Variants in HECW1 observed in about 807,000 individuals in gnomAD.
HECW1 encodes HECT, C2 and WW domain containing E3 ubiquitin protein ligase 1, also known as E3 ubiquitin-protein ligase HECW1.
HECW1 carries 61 observed loss-of-function variants against 182.3 expected under a neutral mutation model. That is an observed-to-expected ratio of 0.33 (90% confidence interval 0.27 to 0.41). The LOEUF is 0.41. Among genes scored for constraint, HECW1 ranks in the 10% least tolerant of loss-of-function variants. HECW1 has a pLI of 1.00. For synonymous variants in HECW1, 859 were observed against 832.6 expected (o/e 1.03, Z -0.55); for missense variants, 1,739 against 2,108.9 (o/e 0.82, Z 3.44).
At chr7:43,454,070 G>A (rs1248184621) in intron 12 of HECW1, among the ~76,000 whole-genome samples, 10 of 152,150 alleles carry the variant, frequency 6.6e-5, no homozygotes. Context: ...TTTTCCATGA[G>A]GAATTGAAAC....
chr7:43,166,962 G>T (rs1000164205), intron 2 of HECW1, among the ~76,000 whole-genome samples: 2 of 152,234 alleles, frequency 1.3e-5, no homozygotes, highest in African/African-American at 4.8e-5. Flanking sequence ...CTCTCAGGCT[G>T]TAGGCAGCCA....
chr7:43,463,841 G>A (rs763724557), intron 14 of HECW1, 42 bp downstream of exon 14: 1 of 1,605,336 alleles, frequency 6.2e-7, no homozygotes, highest in Non-Finnish European at 8.5e-7. Context: ...TGGCTTTCAG[G>A]GGCTGTGTGA....
At chr7:43,148,691 CT>C (rs1239773286) in intron 2 of HECW1, 2 of 151,954 alleles carry the variant, frequency 1.3e-5, no homozygotes, top group Non-Finnish European at 2.9e-5. Flanking sequence ...AGTCAGGAGA[CT>C]GAGGTGTGGT....
At chr7:43,182,846 T>C (rs186268377) in intron 2 of HECW1, among the ~76,000 whole-genome samples, 14 of 152,314 alleles carry the variant, frequency 9.2e-5, no homozygotes, top group South Asian at 6.2e-4. Flanking sequence ...TGTGTCCTCT[T>C]CAATTTCTTT....
chr7:43,482,087 G>A (rs556719071), intron 17 of HECW1, among the ~76,000 whole-genome samples: 15 of 151,592 alleles, frequency 9.9e-5, no homozygotes, highest in Non-Finnish European at 1.2e-4. Context: ...CTGACTGTTC[G>A]TCACATTTCC....
intron 27 of HECW1, among the ~76,000 whole-genome samples, chr7:43,551,741 G>A (rs546067807): frequency 6.6e-6 from 1 of 152,274 alleles, no homozygotes; most frequent in Admixed American, 6.5e-5. Context: ...CGTTCAAGCT[G>A]CTATAACAAA....
Position 43,550,551 on chromosome 7 carries a change from T to C in HECW1, c.4355T>C (p.Val1452Ala). ...RMVKWRVERG[V>A]VQQTEALVRG... is the part of the protein sequence containing the mutation. ...GTGAAGTGGCGGGTGGAGCGCGGCG[T>C]GGTACAGCAGACCGAGGCGCTGGTG... The change falls in exon 27 of 30, where the codon GTG (valine) becomes GCG (alanine). Residue 1452 changes from valine (V) to alanine (A), a missense_variant. Transcript: ENST00000395891. 6.2e-7 allele frequency: 1 copy of C among 1,610,678 alleles called. No individual in the cohort carries two copies. Among genetic ancestry groups the C allele is most frequent in the Non-Finnish European group, 8.5e-7 (1 of 1,178,624 alleles).
chr7:43,150,981 G>A (rs1467777781), intron 2 of HECW1: 2 of 154,964 alleles, frequency 1.3e-5, no homozygotes, highest in East Asian at 1.9e-4. Flanking sequence ...GCCACGGCTG[G>A]CTCCTACCTG....
chr7:43,466,156 GGAAGGAAGGAAA>G (rs1030922243), intron 14 of HECW1, among the ~76,000 whole-genome samples: 2 of 146,212 alleles, frequency 1.4e-5, no homozygotes, highest in Non-Finnish European at 3.0e-5. Context: ...AGAGAAAGAA[GGAAGGAAGGAAA>G]GAAGGAAGGA....
rs1304496410 is a variant in HECW1, at chr7:43,541,179, C to T, written c.4036C>T (p.Arg1346Cys). Residue 1346 changes from arginine to cysteine, a missense_variant, in exon 25 of 30, where the codon CGC becomes TGC. This residue lies in a region of HECW1 where 420 missense variants were observed against 595.7 expected (regional missense o/e 0.71). Transcript: ENST00000395891. ...NHLEWFRFSGRILGLALIHQY... is the reference protein window; with the variant it reads ...NHLEWFRFSGCILGLALIHQY... ...GTGTTCCAGGTTCAGGTTTAGCGGTCGCATCCTGGGTCTGGCTCTGATCCA... is the reference window on the plus strand; with the variant it reads ...GTGTTCCAGGTTCAGGTTTAGCGGTTGCATCCTGGGTCTGGCTCTGATCCA... 1.2e-6 allele frequency: 2 copies of T among 1,614,016 alleles called. No homozygotes were observed. Among genetic ancestry groups the T allele is most frequent in the Non-Finnish European group, 1.7e-6 (2 of 1,179,846 alleles).
chr7:43,488,244 A>G (rs2078726230), intron 17 of HECW1, among the ~76,000 whole-genome samples: 1 of 151,340 alleles, frequency 6.6e-6, no homozygotes, highest in Non-Finnish European at 1.5e-5. Flanking sequence ...CGGGAGGCAG[A>G]GGTTGCAGTG....
rs145159835 is a variant in HECW1, at chr7:43,334,544, T to C, written c.460+13802T>C. 2.5e-3 allele frequency among the ~76,000 whole-genome samples: 377 copies of C among 152,334 alleles called. 1 individual carries two copies. The highest frequency in any genetic ancestry group is 8.3e-3 in the African/African-American group (346 of 41,572). On this transcript the variant is annotated intron_variant, in intron 5 of 29. Coordinates refer to ENST00000395891, the MANE Select transcript of HECW1 (RefSeq NM_015052.5). The stretch of plus-strand genomic sequence containing the variant: ...GCAGCAGCTACTAATCTAAGCCTTG[T>C]TCCTTCTCTCTAAGCAAAACCAGAG...
At chr7:43,441,425 T>C (rs1242976876) in intron 9 of HECW1, among the ~76,000 whole-genome samples, 3 of 152,212 alleles carry the variant, frequency 2.0e-5, no homozygotes, top group Non-Finnish European at 4.4e-5. Flanking sequence ...GACAGCATCC[T>C]TTCTTAGACA....
chr7:43,476,836 A>G (rs2152904941), intron 16 of HECW1, among the ~76,000 whole-genome samples: 1 of 152,294 alleles, frequency 6.6e-6, no homozygotes, highest in Non-Finnish European at 1.5e-5. Context: ...AAAGCTAGAA[A>G]AATATAGTTA....
intron 19 of HECW1, 82 bp from the exon 20 acceptor site, chr7:43,500,617 G>T: frequency 9.0e-7 from 1 of 1,108,822 alleles, no homozygotes; most frequent in Non-Finnish European, 1.4e-6. Flanking sequence ...TATTGGAAGA[G>T]GAAATAAGAG....
At chr7:43,301,816 A>G (rs1806834629) in intron 3 of HECW1, among the ~76,000 whole-genome samples, 1 of 151,704 alleles carries the variant, frequency 6.6e-6, no homozygotes, top group African/African-American at 2.4e-5. Context: ...CAGAGGTTAC[A>G]GTGAGCTGGG....
chr7:43,534,593 C>T (rs892527240), intron 24 of HECW1, among the ~76,000 whole-genome samples: 2 of 152,188 alleles, frequency 1.3e-5, no homozygotes, highest in African/African-American at 4.8e-5. Flanking sequence ...GAAATTTGAG[C>T]AATTAACCTA....
chr7:43,456,670 TCTAAA>T (rs1481384892), intron 13 of HECW1, among the ~76,000 whole-genome samples: 1 of 152,210 alleles, frequency 6.6e-6, no homozygotes, highest in African/African-American at 2.4e-5. Flanking sequence ...TGGGAAATCG[TCTAAA>T]CTTCTTAATA....
intron 3 of HECW1, among the ~76,000 whole-genome samples, chr7:43,251,536 G>A (rs540347834): frequency 7.9e-5 from 12 of 152,202 alleles, no homozygotes; most frequent in East Asian, 1.9e-4. Context: ...GGCTGGTCTC[G>A]AACTCCTGAC....
Sources: allele counts gnomAD v4.1 joint callset (sites outside exome capture counted in the v4.1 genomes callset), GRCh38; gene constraint gnomAD v4.1.1; regional missense constraint gnomAD v4.1.1; transcripts MANE v1.5; gene names NCBI Gene and HGNC (gene_info 2026-07-23, HGNC 2026-07-21).